Variants in RNF220 observed in about 807,000 individuals in gnomAD.
The protein encoded by RNF220 is ring finger protein 220, also known as E3 ubiquitin-protein ligase RNF220.
Under a neutral mutation model 67.1 loss-of-function variants are expected in RNF220, and 7 were observed. That is an observed-to-expected ratio of 0.10 (90% CI 0.06 to 0.20). The LOEUF is 0.20. RNF220 is among the 10% of genes least tolerant of loss of function. The pLI is 1.00. For missense variants in RNF220, 565 were observed against 740.3 expected, an observed-to-expected ratio of 0.76 and a Z score of 2.75; for synonymous variants, 270 against 283.2, an observed-to-expected ratio of 0.95 and a Z score of 0.47.
At chr1:44,560,596 C>G (rs1255863975) in intron 2 of RNF220, among the ~76,000 whole-genome samples, 1 of 152,206 alleles carries the variant, frequency 6.6e-6, no homozygotes, top group Non-Finnish European at 1.5e-5. Context: ...CAGTCTCACT[C>G]TGTTGCCCAG....
intron 3 of RNF220, among the ~76,000 whole-genome samples, chr1:44,618,180 A>G (rs898971326): frequency 6.6e-6 from 1 of 152,160 alleles, no homozygotes; most frequent in East Asian, 1.9e-4. Context: ...GCAGGCTGCT[A>G]TTTCAGACAC....
At chr1:44,497,478 G>C (rs936098833) in intron 2 of RNF220, among the ~76,000 whole-genome samples, 2 of 152,132 alleles carry the variant, frequency 1.3e-5, no homozygotes, top group African/African-American at 4.8e-5. Flanking sequence ...CTCAAGTCTT[G>C]AGGGAACATC....
chr1:44,507,161 A>G (rs1253241413), intron 2 of RNF220, among the ~76,000 whole-genome samples: 1 of 152,136 alleles, frequency 6.6e-6, no homozygotes, highest in Non-Finnish European at 1.5e-5. Flanking sequence ...CCTTAGAGGA[A>G]TGCCTTCTTC....
intron 3 of RNF220, among the ~76,000 whole-genome samples, chr1:44,617,448 T>C (rs998537412): frequency 2.0e-5 from 3 of 152,126 alleles, no homozygotes; most frequent in Admixed American, 1.3e-4. Flanking sequence ...TTGGAAAAAA[T>C]TTGCGAATTA....
At chr1:44,639,553 A>G (rs1644428225) in intron 8 of RNF220, among the ~76,000 whole-genome samples, 1 of 152,262 alleles carries the variant, frequency 6.6e-6, no homozygotes, top group Non-Finnish European at 1.5e-5. Flanking sequence ...AAAATCCAGC[A>G]TGAAGCCCCT....
chr1:44,625,931 G>A lies in RNF220; in HGVS notation c.805-366G>A, dbSNP rs567329550. Among the ~76,000 whole-genome samples, 185 of 152,206 alleles carry A rather than the reference G, an allele frequency of 1.2e-3. 1 individual carries two copies. The highest frequency in any genetic ancestry group is 4.1e-3 in the African/African-American group (172 of 41,514). On this transcript the variant is annotated intron_variant, in intron 4 of 14. Transcript: ENST00000361799. ...CTGTATTAAGGGCAGGCGGGGTAGCGGGTATATGGCTTTACCCACAACCCT... is the reference window on the plus strand; with the variant it reads ...CTGTATTAAGGGCAGGCGGGGTAGCAGGTATATGGCTTTACCCACAACCCT...
chr1:44,444,544 G>A (rs917805688), intron 2 of RNF220, among the ~76,000 whole-genome samples: 1 of 151,968 alleles, frequency 6.6e-6, no homozygotes, highest in Non-Finnish European at 1.5e-5. Flanking sequence ...AGGCTCAAGC[G>A]ATCCTTTGTC....
At chr1:44,424,012 A>G (rs1447358710) in intron 2 of RNF220, 4 of 985,388 alleles carry the variant, frequency 4.1e-6, no homozygotes, top group Middle Eastern at 5.2e-4. Flanking sequence ...TCTTATCTTC[A>G]TCATCGCTCT....
chr1:44,515,910 G>A (rs116047698), intron 2 of RNF220, among the ~76,000 whole-genome samples: 267 of 152,232 alleles, frequency 1.8e-3, no homozygotes, highest in African/African-American at 6.2e-3. Flanking sequence ...CCTTTCACCC[G>A]GACCTGAAAT....
intron 2 of RNF220, among the ~76,000 whole-genome samples, chr1:44,607,648 C>T (rs926465242): frequency 6.6e-6 from 1 of 151,582 alleles, no homozygotes; most frequent in African/African-American, 2.4e-5. Flanking sequence ...CCACCACGCC[C>T]AGCTAATTTT....
rs1557898846 is a variant in RNF220, at chr1:44,412,269, G to A, written c.172G>A (p.Val58Met). Reference protein sequence around the residue: ...FGVPVSVDKDVHIPFTNGSYT... With the variant: ...FGVPVSVDKDMHIPFTNGSYT... The stretch of plus-strand genomic sequence containing the variant: ...TGTACCTGTCTCAGTTGACAAGGAC[G>A]TGCATATTCCTTTCACCAACGGTTC... The change falls in exon 2 of 15, where the codon GTG becomes ATG. Residue 58 changes from valine (V) to methionine (M), a missense_variant. Transcript: ENST00000361799. This position sits in a 1 kb window ranked among gnomAD's most constrained non-coding sequence, Gnocchi z 5.3. The A allele has an allele frequency of 5.0e-6, 8 of 1,614,198 alleles. No individual in the cohort carries two copies. The highest frequency in any genetic ancestry group is 2.2e-5 in the South Asian group (2 of 91,082).
chr1:44,493,811 CA>C (rs1300912573), intron 2 of RNF220, among the ~76,000 whole-genome samples: 3 of 150,618 alleles, frequency 2.0e-5, no homozygotes, highest in Admixed American at 2.0e-4. Context: ...TCCCCCACCT[CA>C]AAAAAAAGTA....
chr1:44,591,261 C>T (rs1176060619), intron 2 of RNF220, among the ~76,000 whole-genome samples: 1 of 152,180 alleles, frequency 6.6e-6, no homozygotes, highest in African/African-American at 2.4e-5. Context: ...CCAGGAACAA[C>T]ATGTTTAAAG....
chr1:44,636,927 A>G (rs1268048973), intron 8 of RNF220, among the ~76,000 whole-genome samples: 1 of 152,334 alleles, frequency 6.6e-6, no homozygotes, highest in East Asian at 1.9e-4. Context: ...GTGACTTGTT[A>G]AACTCCCCAG....
chr1:44,503,817 G>C (rs1207065399), intron 2 of RNF220, among the ~76,000 whole-genome samples: 2 of 152,080 alleles, frequency 1.3e-5, no homozygotes, highest in Non-Finnish European at 2.9e-5. Flanking sequence ...CTACTGAACT[G>C]AAAGCTCTGG....
At chr1:44,411,947 C>G in intron 1 of RNF220, 34 bp from the exon 2 acceptor site, 1 of 822,468 alleles carries the variant, frequency 1.2e-6, no homozygotes, top group East Asian at 2.8e-5. Context: ...TGACTTTCCT[C>G]CCCCTTCTTT....
chr1:44,592,398 C>T (rs1008448289), intron 2 of RNF220, among the ~76,000 whole-genome samples: 1 of 152,206 alleles, frequency 6.6e-6, no homozygotes, highest in Non-Finnish European at 1.5e-5. Flanking sequence ...CCTTATTGCA[C>T]ACAACATCCA....
At chr1:44,611,173 G>A (rs950687242) in intron 2 of RNF220, among the ~76,000 whole-genome samples, 1 of 152,340 alleles carries the variant, frequency 6.6e-6, no homozygotes, top group Non-Finnish European at 1.5e-5. Context: ...CTGAGAAAAT[G>A]GGGGTGGGAT....
chr1:44,535,234 TGG>T (rs376568008), intron 2 of RNF220, among the ~76,000 whole-genome samples: 17 of 148,106 alleles, frequency 1.1e-4, no homozygotes, highest in African/African-American at 4.0e-4. Context: ...TCTGCCTCCC[TGG>T]GTTCAGCGAT....
Sources: gnomAD v4.1 joint callset for allele counts (sites outside exome capture counted in the v4.1 genomes callset) on GRCh38, gnomAD v4.1.1 for gene constraint, Gnocchi (gnomAD v3.1) non-coding constraint, MANE v1.5 for transcripts, NCBI Gene and HGNC (gene_info 2026-07-23, HGNC 2026-07-21) for gene names.